Variants in ITPR3 observed in about 807,000 individuals in gnomAD.
ITPR3 encodes the protein inositol 1,4,5-trisphosphate receptor type 3, also known as inositol 1,4,5-trisphosphate-gated calcium channel ITPR3.
A neutral mutation model predicts 293.2 loss-of-function variants in ITPR3; 173 were observed. That is an observed-to-expected ratio of 0.59 (90% CI 0.52 to 0.67). ITPR3 has a LOEUF of 0.67. Ranked by LOEUF, ITPR3 falls within the 30% of genes least tolerant of loss-of-function variation. The probability of loss-of-function intolerance (pLI) is 0.00; values close to 1 mark genes in which losing one functional copy is unlikely to be tolerated. For synonymous variants in ITPR3, 1,295 were observed against 1,444.4 expected, an observed-to-expected ratio of 0.90 and a Z score of 2.35; for missense variants, 2,796 against 3,592.1, an observed-to-expected ratio of 0.78 and a Z score of 5.66.
chr6:33,628,762 G>T (rs1261903790), intron 1 of ITPR3, among the ~76,000 whole-genome samples: 1 of 152,144 alleles, frequency 6.6e-6, no homozygotes. Context: ...GCCGGAAGGG[G>T]CTGTCAACAC....
intron 1 of ITPR3, among the ~76,000 whole-genome samples, chr6:33,629,440 C>A (rs1186318170): frequency 2.6e-5 from 2 of 76,470 alleles, no homozygotes; most frequent in African/African-American, 4.9e-5. Context: ...GGGATTACAG[C>A]CACTGGGCCC....
In ITPR3 at chr6:33,632,728, C is replaced by T. The variant is rs115909359; in HGVS notation, c.90-7756C>T. The stretch of plus-strand genomic sequence containing the variant: ...GCTGTTCAGACTGGTCTTGTGCCTC[C>T]CAGTGGATGGAAGGCGCACTGCAGG... On this transcript the variant is annotated intron_variant, in intron 1 of 57. Coordinates refer to ENST00000605930, the MANE Select transcript of ITPR3 (RefSeq NM_002224.4). This position sits in a 1 kb window ranked among gnomAD's most constrained non-coding sequence, Gnocchi z 4.1. Among the ~76,000 whole-genome samples, 961 of 152,366 alleles carry T rather than the reference C, an allele frequency of 6.3e-3. 5 individuals are homozygous for T. The highest frequency in any genetic ancestry group is 0.01 in the Middle Eastern group (3 of 294).
rs1306249870 is a variant in ITPR3, at chr6:33,667,948, A to G, written c.1870A>G (p.Lys624Glu). 6.2e-7 allele frequency: 1 copy of G among 1,614,174 alleles called. No homozygotes were observed. Reference protein sequence around the residue: ...EVETFVSLVRKNREPRFLDYL... With the variant: ...EVETFVSLVRENREPRFLDYL... ...GGAGACCTTCGTCAGCCTTGTGCGC[A>G]AGAACCGGGAGCCCAGGTGGGCCCG... Residue 624 changes from lysine (K) to glutamate (E), a missense_variant, in exon 16 of 58, where the codon AAG becomes GAG. By Grantham distance (56) the Lys-to-Glu change is moderately conservative. Around this residue, in one of 8 missense-constraint regions of ITPR3, gnomAD observed 955 missense variants for 1,180.8 expected, o/e 0.81. Coordinates refer to ENST00000605930, the MANE Select transcript of ITPR3 (RefSeq NM_002224.4). The surrounding 1 kb of genome is among the most constrained non-coding windows in gnomAD (Gnocchi z 4.4).
In ITPR3 at chr6:33,689,152, A is replaced by G. The variant is rs886212242; in HGVS notation, c.6695-86A>G. 599 of 1,461,786 alleles carry G rather than the reference A, an allele frequency of 4.1e-4. 11 individuals are homozygous for G. Among genetic ancestry groups the G allele is most frequent in the Admixed American group, 4.5e-4 (24 of 53,320 alleles). The allele number at this position is 1,461,786 out of a possible 1,614,324, so 90.6% of individuals were successfully genotyped here. ...ACTTAACCGGGAAGGCGGCCAGGAGAAGGTGGCTTTTCGGCACCTGTTGGA... is the reference window on the plus strand; with the variant it reads ...ACTTAACCGGGAAGGCGGCCAGGAGGAGGTGGCTTTTCGGCACCTGTTGGA... On this transcript the variant is annotated intron_variant, in intron 49 of 57. Transcript: ENST00000605930.
chr6:33,664,815 C>A lies in ITPR3; in HGVS notation c.1149-55C>A. 6.7e-7 allele frequency: 1 copy of A among 1,491,830 alleles called. No individual in the cohort carries two copies. Among genetic ancestry groups the A allele is most frequent in the Non-Finnish European group, 9.3e-7 (1 of 1,076,628 alleles). The allele number at this position is 1,491,830 out of a possible 1,614,324, so 92.4% of individuals were successfully genotyped here. On this transcript the variant is annotated intron_variant, in intron 11 of 57. Coordinates refer to ENST00000605930, the MANE Select transcript of ITPR3 (RefSeq NM_002224.4). This position sits in a 1 kb window ranked among gnomAD's most constrained non-coding sequence, Gnocchi z 4.4. ...GTTGGGGAGGTAGGCCGGCAGGCAG[C>A]ATGACGTGCTCTGTGGTGCACTCCC...
Position 33,655,904 on chromosome 6 carries a change from A to G in ITPR3, c.282+17A>G, listed in dbSNP as rs757724767. 1.9e-6 allele frequency: 3 copies of G among 1,613,304 alleles called. No homozygotes were observed. On this transcript the variant is annotated intron_variant, in intron 3 of 57. Transcript: ENST00000605930. This position sits in a 1 kb window ranked among gnomAD's most constrained non-coding sequence, Gnocchi z 4.9. ...AAGCTGCAGGTATGTGTGTGTGTGC[A>G]GGCGTGCATCTGTGCACATGTACCA...
In ITPR3 at chr6:33,680,582, G is replaced by C. The variant is rs373904426; in HGVS notation, c.4378G>C (p.Ala1460Pro). The C allele has an allele frequency of 1.2e-6, 2 of 1,613,908 alleles. No individual in the cohort carries two copies. Among genetic ancestry groups the C allele is most frequent in the African/African-American group, 2.7e-5 (2 of 74,918 alleles). Residue 1460 changes from alanine to proline, a missense_variant, in exon 33 of 58, where the codon GCT becomes CCT. This residue lies in a region of ITPR3 where 344 missense variants were observed against 460.3 expected (regional missense o/e 0.75). Coordinates refer to ENST00000605930, the MANE Select transcript of ITPR3 (RefSeq NM_002224.4). ...RVCSKREKRV[A>P]DPTLEKYVLS... ...CTGCAGCAAGCGTGAGAAGCGCGTG[G>C]CTGACCCCACCTTGGAGAAGTACGT...
rs190389659 is a variant in ITPR3, at chr6:33,685,598, G to A, written c.5483-45G>A. 1.6e-5 allele frequency: 26 copies of A among 1,588,694 alleles called. No homozygotes were observed. The East Asian group carries it at 5.9e-4, about 36-fold the overall frequency. ...CCAGGATAAGATGTGCAGGGGGGTG[G>A]CCAAGGGGGTGGGCAGCTCCAGCCT... On this transcript the variant is annotated intron_variant, in intron 40 of 57. Transcript: ENST00000605930.
intron 23 of ITPR3, 116 bp from the exon 24 acceptor site, chr6:33,674,092 C>A: frequency 7.8e-7 from 1 of 1,280,100 alleles, no homozygotes; most frequent in Non-Finnish European, 1.1e-6. Context: ...AAGGGGCAGG[C>A]AGAGCAGCTG....
Position 33,670,219 on chromosome 6 carries a change from C to G in ITPR3, c.2190-106C>G, listed in dbSNP as rs1486635099. 8.0e-7 allele frequency: 1 copy of G among 1,243,776 alleles called. No individual in the cohort carries two copies. Among genetic ancestry groups the G allele is most frequent in the African/African-American group, 1.5e-5 (1 of 67,614 alleles). 77.0% of individuals were successfully genotyped at this position (1,243,776 alleles called of 1,614,324 possible). A position where few individuals can be genotyped will look rare whatever the true frequency, so the allele number is the denominator to read the frequency against. ...GAATTGCAGCTGGCGCATCTTTAAC[C>G]TAATCCCTTTGCCACTTTACTGAGT... is the stretch of plus-strand genomic sequence containing the variant. On this transcript the variant is annotated intron_variant, in intron 18 of 57. Coordinates refer to ENST00000605930, the MANE Select transcript of ITPR3 (RefSeq NM_002224.4). The surrounding 1 kb of genome is among the most constrained non-coding windows in gnomAD (Gnocchi z 6.7).
At chr6:33,642,979 G>A (rs1291691304) in intron 2 of ITPR3, among the ~76,000 whole-genome samples, 1 of 152,190 alleles carries the variant, frequency 6.6e-6, no homozygotes, top group Non-Finnish European at 1.5e-5. Flanking sequence ...TTTGGCTGGC[G>A]AGTACAAGTT....
In ITPR3 at chr6:33,658,040, C is replaced by G. The variant is rs1465368792; in HGVS notation, c.369+22C>G. 2 of 1,596,198 alleles carry G rather than the reference C, an allele frequency of 1.3e-6. No individual in the cohort carries two copies. Among genetic ancestry groups the G allele is most frequent in the South Asian group, 2.2e-5 (2 of 90,072 alleles). ...CCAGGTGAGGCTGGCCTGCCTCTCT[C>G]CCGCCTGCCCCTCTCCCTGCCTAAG... On this transcript the variant is annotated intron_variant, in intron 4 of 57. Transcript: ENST00000605930. This position sits in a 1 kb window ranked among gnomAD's most constrained non-coding sequence, Gnocchi z 6.1.
intron 1 of ITPR3, among the ~76,000 whole-genome samples, chr6:33,637,261 C>G (rs1164146837): frequency 6.6e-6 from 1 of 152,112 alleles, no homozygotes; most frequent in Non-Finnish European, 1.5e-5. Flanking sequence ...TGCTTCTGAC[C>G]AAACAGCCAT....
Position 33,673,711 on chromosome 6 carries a change from G to C in ITPR3, c.3049G>C (p.Asp1017His), listed in dbSNP as rs780417394. 2 of 1,613,924 alleles carry C rather than the reference G, an allele frequency of 1.2e-6. No individual in the cohort carries two copies. Among genetic ancestry groups the C allele is most frequent in the Admixed American group, 1.7e-5 (1 of 60,000 alleles). ...GGCTGATGGCACAGCCCCTGCCTTC[G>C]ACTCTACCAGTAAGCCCCTGCCCTG... ...SGADGTAPAFDSTTANMNLDR... is the reference protein window; with the variant it reads ...SGADGTAPAFHSTTANMNLDR... The change falls in exon 23 of 58, where the codon GAC becomes CAC. Residue 1017 changes from aspartate to histidine, a missense_variant. Asp to His is a moderately conservative substitution (Grantham distance 81, BLOSUM62 -1). This residue lies in a region of ITPR3 where 955 missense variants were observed against 1,180.8 expected (regional missense o/e 0.81). Coordinates refer to ENST00000605930, the MANE Select transcript of ITPR3 (RefSeq NM_002224.4).
chr6:33,687,874 TC>T lies in ITPR3; in HGVS notation c.6265-180del, dbSNP rs143471311. 0.016 allele frequency among the ~76,000 whole-genome samples: 2,448 copies of T among 152,206 alleles called. 32 individuals are homozygous for T. Among genetic ancestry groups the T allele is most frequent in the South Asian group, 0.047 (224 of 4,808 alleles). On this transcript the variant is annotated intron_variant, in intron 46 of 57. Transcript: ENST00000605930. The surrounding 1 kb of genome is among the most constrained non-coding windows in gnomAD (Gnocchi z 5.3). ...TCTGGTCATGGCTCTCCCACTCCCC[TC>T]CCTTTGGCACCAGGTTCTCAAGGCT...
At position 33,692,736 on chromosome 6, in the gene ITPR3, C is replaced by T; in HGVS notation, c.7467C>T (p.Leu2489=). 1.2e-6 allele frequency: 2 copies of T among 1,614,084 alleles called. No homozygotes were observed. Among genetic ancestry groups the T allele is most frequent in the Non-Finnish European group, 1.7e-6 (2 of 1,179,982 alleles). The change falls in exon 55 of 58, where the codon CTC becomes CTT. Residue 2489 remains leucine (L), a synonymous_variant. Coordinates refer to ENST00000605930, the MANE Select transcript of ITPR3 (RefSeq NM_002224.4). This position sits in a 1 kb window ranked among gnomAD's most constrained non-coding sequence, Gnocchi z 4.2. ...ILRKPSKDES[L]FPARVVYDLL... Reference sequence around the variant, plus strand: ...TGCCTCATCCCCTGCAGGAGTCTCTCTTCCCAGCCCGAGTGGTCTATGACC... The same window carrying T: ...TGCCTCATCCCCTGCAGGAGTCTCTTTTCCCAGCCCGAGTGGTCTATGACC...
At chr6:33,652,710 C>T (rs1211832618) in intron 2 of ITPR3, among the ~76,000 whole-genome samples, 1 of 152,004 alleles carries the variant, frequency 6.6e-6, no homozygotes. Context: ...GTGATCTGCC[C>T]GCCTTGGCCT....
intron 2 of ITPR3, among the ~76,000 whole-genome samples, chr6:33,653,101 G>A (rs1435144732): frequency 1.3e-5 from 2 of 151,910 alleles, no homozygotes; most frequent in African/African-American, 4.8e-5. Context: ...TAGAGACAAT[G>A]TCTCGCTATG....
chr6:33,645,940 C>T (rs911987220), intron 2 of ITPR3, among the ~76,000 whole-genome samples: 4 of 152,024 alleles, frequency 2.6e-5, no homozygotes, highest in African/African-American at 4.8e-5. Context: ...TGGATTCAAG[C>T]GATTCTTCAG....
Sources: allele counts gnomAD v4.1 joint callset (sites outside exome capture counted in the v4.1 genomes callset), GRCh38; gene constraint gnomAD v4.1.1; regional missense constraint gnomAD v4.1.1; non-coding constraint Gnocchi (gnomAD v3.1); transcripts MANE v1.5; gene names NCBI Gene and HGNC (gene_info 2026-07-23, HGNC 2026-07-21).